GPRIN3: variants seen among roughly 807,000 people sequenced by gnomAD.
GPRIN3 encodes GPRIN family member 3.
Under a neutral mutation model 13.7 loss-of-function variants are expected in GPRIN3, and 12 were observed. The ratio of observed to expected loss-of-function variants is 0.87; its 90% CI spans 0.56 to 1.42. The LOEUF (loss-of-function observed/expected upper bound fraction) is 1.42, where lower values mean the gene tolerates loss of function less well. Among genes scored for constraint, GPRIN3 ranks in the 40% most tolerant of loss-of-function variants. The pLI is 0.00. For missense variants in GPRIN3, 1,009 were observed against 958.7 expected (o/e 1.05, Z -0.69); for synonymous variants, 377 against 372.7 (o/e 1.01, Z -0.13).
rs777213498 is a variant in GPRIN3, at chr4:89,237,529, C to A, written c.*10251G>T. The A allele has an allele frequency of 1.3e-5, 2 of 152,110 alleles. No individual in the cohort carries two copies. Among genetic ancestry groups the A allele is most frequent in the Non-Finnish European group, 2.9e-5 (2 of 68,026 alleles). 9.4% of individuals were successfully genotyped at this position (152,110 alleles called of 1,614,324 possible). ...TGGCCCGGGAGGGGACACTTCATCC[C>A]TTTTACTGTGTGAGGACACAGCAAA... is the stretch of plus-strand genomic sequence containing the variant. On this transcript the variant is annotated 3_prime_UTR_variant, in exon 2 of 2. Coordinates refer to ENST00000609438, the MANE Select transcript of GPRIN3 (RefSeq NM_198281.3).
At position 89,246,567 on chromosome 4, in the gene GPRIN3, A is replaced by G. The variant is rs1723106674; in HGVS notation, c.*1213T>C. On this transcript the variant is annotated 3_prime_UTR_variant, in exon 2 of 2. Transcript: ENST00000609438. Reference sequence around the variant, plus strand: ...AGGCCTCTTCTTTCATTGGGTTTGAAGGATATTATGGGTATTTCTCTTAAA... The same window carrying G: ...AGGCCTCTTCTTTCATTGGGTTTGAGGGATATTATGGGTATTTCTCTTAAA... 6.6e-6 allele frequency: 1 copy of G among 152,190 alleles called. No individual in the cohort carries two copies. The highest frequency in any genetic ancestry group is 2.1e-4 in the South Asian group (1 of 4,830). 9.4% of individuals were successfully genotyped at this position (152,190 alleles called of 1,614,324 possible). A position where few individuals can be genotyped will look rare whatever the true frequency, so the allele number is the denominator to read the frequency against.
intron 1 of GPRIN3, among the ~76,000 whole-genome samples, chr4:89,277,009 CT>C (rs199855623): frequency 1.3e-4 from 19 of 151,582 alleles, no homozygotes; most frequent in East Asian, 1.9e-4. Context: ...ATTTTAATGT[CT>C]TTTTTTTTCC....
chr4:89,278,494 A>G (rs1461005462), intron 1 of GPRIN3, among the ~76,000 whole-genome samples: 4 of 152,222 alleles, frequency 2.6e-5, no homozygotes, highest in African/African-American at 9.6e-5. Context: ...GTTCAGTACA[A>G]TAAAATGTTA....
intron 1 of GPRIN3, among the ~76,000 whole-genome samples, chr4:89,278,509 T>C (rs1241492836): frequency 2.0e-5 from 3 of 152,230 alleles, no homozygotes; most frequent in Admixed American, 1.3e-4. Context: ...ATGTTACTAA[T>C]TTGGAATAAA....
At chr4:89,251,525 T>C (rs1166329253) in intron 1 of GPRIN3, among the ~76,000 whole-genome samples, 2 of 152,172 alleles carry the variant, frequency 1.3e-5, no homozygotes, top group Non-Finnish European at 2.9e-5. Context: ...GTACTATTTG[T>C]AGAAGAAAAA....
At chr4:89,289,211 G>A (rs147775877) in intron 1 of GPRIN3, among the ~76,000 whole-genome samples, 167 of 150,680 alleles carry the variant, frequency 1.1e-3, no homozygotes, top group South Asian at 8.7e-3. Flanking sequence ...CTTTCCTCAT[G>A]TGCCTGGTCG....
Position 89,303,943 on chromosome 4 carries a change from TC to T in GPRIN3, c.-124+3671del, listed in dbSNP as rs1431128616. ...AGCAGAAATTCTACTGCAGTTCTCTTCCAACTTGATATTTATTTCTTCTTTT... is the reference window on the plus strand; with the variant it reads ...AGCAGAAATTCTACTGCAGTTCTCTTCAACTTGATATTTATTTCTTCTTTT... On this transcript the variant is annotated intron_variant, in intron 1 of 1. Transcript: ENST00000609438. 2.6e-5 allele frequency among the ~76,000 whole-genome samples: 4 copies of T among 152,272 alleles called. No individual in the cohort carries two copies. In the East Asian group the frequency reaches 7.7e-4, roughly 29 times the overall value.
Position 89,238,127 on chromosome 4 carries a change from C to A in GPRIN3, c.*9653G>T, listed in dbSNP as rs1722832738. On this transcript the variant is annotated 3_prime_UTR_variant, in exon 2 of 2. Transcript: ENST00000609438. ...AATAGTGTGCATTTATACACACACA[C>A]ACACACAGCAGCTGGAGGGAGAGTA... The A allele has an allele frequency of 6.6e-6, 1 of 150,472 alleles. No homozygotes were observed. Among genetic ancestry groups the A allele is most frequent in the Non-Finnish European group, 1.5e-5 (1 of 68,012 alleles). The allele number at this position is 150,472 out of a possible 1,614,324, so 9.3% of individuals were successfully genotyped here. A position where few individuals can be genotyped will look rare whatever the true frequency, so the allele number is the denominator to read the frequency against.
chr4:89,271,734 T>A (rs1723957002), intron 1 of GPRIN3, among the ~76,000 whole-genome samples: 1 of 151,676 alleles, frequency 6.6e-6, no homozygotes, highest in Admixed American at 6.6e-5. Flanking sequence ...AAAACAATAG[T>A]CTGGACAAGC....
At position 89,243,888 on chromosome 4, in the gene GPRIN3, G is replaced by A. The variant is rs1043973033; in HGVS notation, c.*3892C>T. ...TGTGGTTAATTATGTGTTACTAGGA[G>A]TAGACAAAATTTTAAACACTTGGCA... On this transcript the variant is annotated 3_prime_UTR_variant, in exon 2 of 2. Transcript: ENST00000609438. The A allele has an allele frequency of 3.3e-5, 5 of 152,174 alleles. No homozygotes were observed. Among genetic ancestry groups the A allele is most frequent in the African/African-American group, 1.2e-4 (5 of 41,442 alleles). The allele number at this position is 152,174 out of a possible 1,614,324, so 9.4% of individuals were successfully genotyped here. A position where few individuals can be genotyped will look rare whatever the true frequency, so the allele number is the denominator to read the frequency against.
chr4:89,286,091 G>GTGTA (rs1039903535), intron 1 of GPRIN3, among the ~76,000 whole-genome samples: 5,075 of 146,546 alleles, frequency 0.035, 91 homozygotes, highest in Non-Finnish European at 0.051. Flanking sequence ...ATGTGTGTGT[G>GTGTA]TATATATATA....
Position 89,247,666 on chromosome 4 carries a change from T to A in GPRIN3, c.*114A>T. 2.8e-6 allele frequency: 3 copies of A among 1,058,528 alleles called. No homozygotes were observed. The South Asian group carries it at 5.0e-5, about 18-fold the overall frequency. The allele number at this position is 1,058,528 out of a possible 1,614,324, so 65.6% of individuals were successfully genotyped here. The stretch of plus-strand genomic sequence containing the variant: ...AATTTTTAATAGCAATTTCCTATAG[T>A]GAATACTTGCTTTTTCTTCCTAGTC... On this transcript the variant is annotated 3_prime_UTR_variant, in exon 2 of 2. Coordinates refer to ENST00000609438, the MANE Select transcript of GPRIN3 (RefSeq NM_198281.3).
rs184370263 is a variant in GPRIN3, at chr4:89,245,154, T to C, written c.*2626A>G. The stretch of plus-strand genomic sequence containing the variant: ...GGGAGGTATCACAATACAAAAATGC[T>C]GCTGTCTTGAATAGGTCCCTATCTT... On this transcript the variant is annotated 3_prime_UTR_variant, in exon 2 of 2. Coordinates refer to ENST00000609438, the MANE Select transcript of GPRIN3 (RefSeq NM_198281.3). The C allele has an allele frequency of 6.6e-6, 1 of 152,368 alleles. No individual in the cohort carries two copies. The highest frequency in any genetic ancestry group is 1.9e-4 in the East Asian group (1 of 5,190). 9.4% of individuals were successfully genotyped at this position (152,368 alleles called of 1,614,324 possible). A position where few individuals can be genotyped will look rare whatever the true frequency, so the allele number is the denominator to read the frequency against.
intron 1 of GPRIN3, among the ~76,000 whole-genome samples, chr4:89,287,837 T>A (rs776404421): frequency 2.0e-5 from 3 of 152,050 alleles, no homozygotes; most frequent in Non-Finnish European, 4.4e-5. Context: ...ATTAGGAAAA[T>A]CATAATAAAT....
chr4:89,259,327 C>A (rs1002650360), intron 1 of GPRIN3, among the ~76,000 whole-genome samples: 2 of 152,168 alleles, frequency 1.3e-5, no homozygotes, highest in African/African-American at 4.8e-5. Flanking sequence ...CTGGATCTTA[C>A]CATCTACTTG....
Position 89,278,994 on chromosome 4 carries a change from C to T in GPRIN3, c.-124+28621G>A, listed in dbSNP as rs539267050. On this transcript the variant is annotated intron_variant, in intron 1 of 1. Coordinates refer to ENST00000609438, the MANE Select transcript of GPRIN3 (RefSeq NM_198281.3). The stretch of plus-strand genomic sequence containing the variant: ...TGGTTCCATTTAAAGCCTCCAGATA[C>T]AAAGTCCTGGGAGAGAGGCCCAGTT... Among the ~76,000 whole-genome samples the T allele has an allele frequency of 2.6e-5, 4 of 152,302 alleles. No homozygotes were observed. The East Asian group carries it at 7.7e-4, about 29-fold the overall frequency.
At position 89,241,795 on chromosome 4, in the gene GPRIN3, C is replaced by T. The variant is rs1457025972; in HGVS notation, c.*5985G>A. The T allele has an allele frequency of 1.3e-5, 2 of 151,870 alleles. No homozygotes were observed. Among genetic ancestry groups the T allele is most frequent in the African/African-American group, 2.4e-5 (1 of 41,334 alleles). The allele number at this position is 151,870 out of a possible 1,614,324, so 9.4% of individuals were successfully genotyped here. On this transcript the variant is annotated 3_prime_UTR_variant, in exon 2 of 2. Transcript: ENST00000609438. Reference sequence around the variant, plus strand: ...AAGGATGCCAATTAACATGAGTAAGCCCTTTCTACTCATTTTATATAGTTT... The same window carrying T: ...AAGGATGCCAATTAACATGAGTAAGTCCTTTCTACTCATTTTATATAGTTT...
In GPRIN3 at chr4:89,285,993, C is replaced by T. The variant is rs1314791151; in HGVS notation, c.-124+21622G>A. On this transcript the variant is annotated intron_variant, in intron 1 of 1. Transcript: ENST00000609438. The stretch of plus-strand genomic sequence containing the variant: ...CAGTTGCAAAGACTGTCAGCTCTCT[C>T]ACTTTTTCTTTTGCAGAACATATCC... 2.0e-5 allele frequency among the ~76,000 whole-genome samples: 3 copies of T among 152,236 alleles called. 1 individual carries two copies. The highest frequency in any genetic ancestry group is 1.3e-4 in the Admixed American group (2 of 15,280).
chr4:89,303,695 T>G (rs1724960198), intron 1 of GPRIN3, among the ~76,000 whole-genome samples: 1 of 151,422 alleles, frequency 6.6e-6, no homozygotes, highest in Non-Finnish European at 1.5e-5. Flanking sequence ...TATACGTTAT[T>G]TGGTTCCACT....
Sources: allele counts gnomAD v4.1 joint callset (sites outside exome capture counted in the v4.1 genomes callset), GRCh38; gene constraint gnomAD v4.1.1; transcripts MANE v1.5; gene names NCBI Gene and HGNC (gene_info 2026-07-23, HGNC 2026-07-21).